ZFP69B: variants seen among roughly 807,000 people sequenced by gnomAD.
The protein encoded by ZFP69B is zinc finger protein 69 homolog B.
In ZFP69B, 20 loss-of-function variants were observed where a neutral mutation model predicts 19.7. The observed-to-expected ratio is 1.02, with a 90% confidence interval of 0.71 to 1.48. The LOEUF (loss-of-function observed/expected upper bound fraction) is 1.48, where lower values mean the gene tolerates loss of function less well. ZFP69B is among the 40% of genes most tolerant of loss of function. ZFP69B has a pLI of 0.00. For synonymous variants in ZFP69B, 220 were observed against 222.7 expected (o/e 0.99, Z 0.11); for missense variants, 583 against 632.6 (o/e 0.92, Z 0.84).
In ZFP69B at chr1:40,450,996, A is replaced by C; in HGVS notation, c.35A>C (p.Glu12Ala). Reference protein sequence around the residue: ...LQQLLITLPTEASTWVKLRHP... With the variant: ...LQQLLITLPTAASTWVKLRHP... ...CAGCTCCTGATCACCCTGCCCACCG[A>C]GGCCAGCACCTGGGTGAAGTTGCGT... Residue 12 changes from glutamate to alanine, a missense_variant, in exon 1 of 5, where the codon GAG becomes GCG. Physicochemically the swap from Glu to Ala is moderately radical, Grantham distance 107. Coordinates refer to ENST00000361584, the MANE Select transcript of ZFP69B (RefSeq NM_023070.3). The C allele has an allele frequency of 3.2e-6, 5 of 1,551,698 alleles. No homozygotes were observed. Among genetic ancestry groups the C allele is most frequent in the Non-Finnish European group, 4.4e-6 (5 of 1,147,182 alleles).
chr1:40,457,584 A>G, intron 4 of ZFP69B, 145 bp downstream of exon 4: 1 of 648,578 alleles, frequency 1.5e-6, no homozygotes, highest in Non-Finnish European at 2.7e-6. Flanking sequence ...CTTTTCCCAC[A>G]CTTCCATCTT....
At position 40,451,554 on chromosome 1, in the gene ZFP69B, C is replaced by G. The variant is rs143492324; in HGVS notation, c.127+466C>G. ...AGGCCAGGTTTAAGGGTCTCTCACT[C>G]GACAGATTTGGGAAAGCTTAAGTAT... On this transcript the variant is annotated intron_variant, in intron 1 of 4. Coordinates refer to ENST00000361584, the MANE Select transcript of ZFP69B (RefSeq NM_023070.3). 4.6e-4 allele frequency among the ~76,000 whole-genome samples: 69 copies of G among 150,628 alleles called. 1 individual carries two copies. The East Asian group carries it at 0.012, about 27-fold the overall frequency.
chr1:40,462,928 C>A lies in ZFP69B; in HGVS notation c.944C>A (p.Ala315Asp). The change falls in exon 5 of 5, where the codon GCC becomes GAC. Residue 315 changes from alanine (A) to aspartate (D), a missense_variant. Physicochemically the swap from Ala to Asp is moderately radical, Grantham distance 126. Transcript: ENST00000361584. ...KPFRCKECGKAFSQSSSLIPH... is the reference protein window; with the variant it reads ...KPFRCKECGKDFSQSSSLIPH... ...TTCAGATGTAAGGAATGTGGAAAAGCCTTTAGCCAAAGTTCATCTCTTATT... is the reference window on the plus strand; with the variant it reads ...TTCAGATGTAAGGAATGTGGAAAAGACTTTAGCCAAAGTTCATCTCTTATT... 2.5e-6 allele frequency: 4 copies of A among 1,614,100 alleles called. No homozygotes were observed. Among genetic ancestry groups the A allele is most frequent in the Non-Finnish European group, 3.4e-6 (4 of 1,180,036 alleles).
At position 40,452,126 on chromosome 1, in the gene ZFP69B, A is replaced by AAAATAAAT. The variant is rs60077439; in HGVS notation, c.127+1055_127+1062dup. ...GGTGACAGAGCAAGACCTTGTCTCAAAAATAAATAAATAAATAAATAAATG... is the reference window on the plus strand; with the variant it reads ...GGTGACAGAGCAAGACCTTGTCTCAAAAATAAATAAATAAATAAATAAATAAATAAATG... On this transcript the variant is annotated intron_variant, in intron 1 of 4. Coordinates refer to ENST00000361584, the MANE Select transcript of ZFP69B (RefSeq NM_023070.3). Among the ~76,000 whole-genome samples, 629 of 150,234 alleles carry AAAATAAAT rather than the reference A, an allele frequency of 4.2e-3. 7 individuals are homozygous for AAAATAAAT. The East Asian group carries it at 0.051, about 12-fold the overall frequency.
intron 1 of ZFP69B, among the ~76,000 whole-genome samples, chr1:40,452,032 C>T (rs1424642492): frequency 1.3e-5 from 2 of 151,938 alleles, no homozygotes; most frequent in Non-Finnish European, 2.9e-5. Flanking sequence ...GGTTGAGGCA[C>T]GAGAATCGCT....
In ZFP69B at chr1:40,462,975, G is replaced by T; in HGVS notation, c.991G>T (p.Gly331Cys). ...TATTCCGCATCAGAGAATTCATACT[G>T]GTGAGAAACCCTATGAATGTAAGGA... The part of the protein sequence containing the change: ...SLIPHQRIHT[G>C]EKPYECKECG... Residue 331 changes from glycine (G) to cysteine (C), a missense_variant, in exon 5 of 5, where the codon GGT becomes TGT. Physicochemically the swap from Gly to Cys is radical, Grantham distance 159. Transcript: ENST00000361584. 6.2e-7 allele frequency: 1 copy of T among 1,614,028 alleles called. No homozygotes were observed. Among genetic ancestry groups the T allele is most frequent in the Non-Finnish European group, 8.5e-7 (1 of 1,180,020 alleles).
At chr1:40,454,489 C>T (rs1645215068) in intron 2 of ZFP69B, among the ~76,000 whole-genome samples, 1 of 152,096 alleles carries the variant, frequency 6.6e-6, no homozygotes, top group African/African-American at 2.4e-5. Flanking sequence ...AGCTCCGTCT[C>T]CTGGGTTCAC....
Position 40,463,714 on chromosome 1 carries a change from C to A in ZFP69B, c.*125C>A. The A allele has an allele frequency of 1.2e-6, 1 of 816,558 alleles. No individual in the cohort carries two copies. Among genetic ancestry groups the A allele is most frequent in the Non-Finnish European group, 1.9e-6 (1 of 535,956 alleles). 50.6% of individuals were successfully genotyped at this position (816,558 alleles called of 1,614,324 possible). The stretch of plus-strand genomic sequence containing the variant: ...CGAACATTAAAAAAAAATGGTTTGG[C>A]ACAATGTTCCCAACTCTTAATTTTG... On this transcript the variant is annotated 3_prime_UTR_variant, in exon 5 of 5. Coordinates refer to ENST00000361584, the MANE Select transcript of ZFP69B (RefSeq NM_023070.3).
chr1:40,458,366 G>A (rs1054173618), intron 4 of ZFP69B, among the ~76,000 whole-genome samples: 4 of 151,956 alleles, frequency 2.6e-5, no homozygotes, highest in African/African-American at 9.7e-5. Flanking sequence ...CTTTTTTAAT[G>A]CAGATACATG....
rs1191705299 is a variant in ZFP69B, at chr1:40,454,289, G to C, written c.213+1G>C. The stretch of plus-strand genomic sequence containing the variant: ...TGGATCCCTGACAGCAGAATCCCAG[G>C]TGGGTTGGAGTTTCTGGTCACTTTC... On this transcript the variant is annotated splice_donor_variant, in intron 2 of 4. Transcript: ENST00000361584. LOFTEE classifies it high-confidence loss of function. 2 of 1,567,554 alleles carry C rather than the reference G, an allele frequency of 1.3e-6. No homozygotes were observed. Among genetic ancestry groups the C allele is most frequent in the Admixed American group, 3.7e-5 (2 of 54,746 alleles).
In ZFP69B at chr1:40,462,881, A is replaced by G; in HGVS notation, c.897A>G (p.Arg299=). The G allele has an allele frequency of 6.2e-7, 1 of 1,614,182 alleles. No homozygotes were observed. Among genetic ancestry groups the G allele is most frequent in the Non-Finnish European group, 8.5e-7 (1 of 1,180,028 alleles). ...KQLIHLTEHM[R]IHTGEKPFRC... is the part of the protein sequence containing the mutation. ...TTATTCACCTTACTGAACACATGAG[A>G]ATTCATACCGGGGAGAAACCTTTCA... is the stretch of plus-strand genomic sequence containing the variant. Residue 299 remains arginine, a synonymous_variant, in exon 5 of 5, where the codon AGA becomes AGG. Coordinates refer to ENST00000361584, the MANE Select transcript of ZFP69B (RefSeq NM_023070.3).
chr1:40,454,409 T>G, intron 2 of ZFP69B, 121 bp downstream of exon 2: 1 of 718,998 alleles, frequency 1.4e-6, no homozygotes, highest in Non-Finnish European at 2.1e-6. Flanking sequence ...TTTTTTTCAT[T>G]ATTTTTTGAG....
chr1:40,457,357 C>T lies in ZFP69B; in HGVS notation c.354C>T (p.Ser118=), dbSNP rs1645243190. ...CCCCATAAGCAGGATGTCAGCTTTC[C>T]AAACCTGGCGTGATTTCCCAGTTGG... The part of the protein sequence containing the change: ...GNLVSVGCQL[S]KPGVISQLEK... Residue 118 remains serine, a synonymous_variant, in exon 4 of 5, where the codon TCC becomes TCT. Transcript: ENST00000361584. 1 of 1,614,008 alleles carries T rather than the reference C, an allele frequency of 6.2e-7. No individual in the cohort carries two copies. The highest frequency in any genetic ancestry group is 1.3e-5 in the African/African-American group (1 of 74,906).
At chr1:40,453,853 C>T (rs1181896165) in intron 1 of ZFP69B, among the ~76,000 whole-genome samples, 1 of 151,532 alleles carries the variant, frequency 6.6e-6, no homozygotes, top group African/African-American at 2.4e-5. Context: ...ACCTGGGTGA[C>T]AGAGCAATAC....
chr1:40,453,463 C>A (rs1333014376), intron 1 of ZFP69B, among the ~76,000 whole-genome samples: 1 of 152,084 alleles, frequency 6.6e-6, no homozygotes, highest in Non-Finnish European at 1.5e-5. Context: ...ATATAAAAAC[C>A]AAGCTTTTGG....
At position 40,451,655 on chromosome 1, in the gene ZFP69B, G is replaced by GGGT. The variant is rs1553125236; in HGVS notation, c.127+569_127+570insTGG. 2.4e-3 allele frequency among the ~76,000 whole-genome samples: 328 copies of GGGT among 135,128 alleles called. 2 individuals carry two copies. The highest frequency in any genetic ancestry group is 9.7e-3 in the African/African-American group (313 of 32,164). The allele number at this position is 135,128 out of a possible 152,430, so 88.6% of individuals were successfully genotyped here. A position where few individuals can be genotyped will look rare whatever the true frequency, so the allele number is the denominator to read the frequency against. ...GACACTTAAAATAGAGAAAGACGTG[G>GGGT]GGGGGGGGGAATTCATTTGCAAACA... On this transcript the variant is annotated intron_variant, in intron 1 of 4. Coordinates refer to ENST00000361584, the MANE Select transcript of ZFP69B (RefSeq NM_023070.3).
At chr1:40,459,703 A>G (rs929228463) in intron 4 of ZFP69B, among the ~76,000 whole-genome samples, 5 of 152,136 alleles carry the variant, frequency 3.3e-5, no homozygotes, top group Admixed American at 6.6e-5. Context: ...TACGACATTT[A>G]TCTTGTTTTT....
chr1:40,462,905 C>T lies in ZFP69B; in HGVS notation c.921C>T (p.Phe307=). Residue 307 remains phenylalanine, a synonymous_variant, in exon 5 of 5, where the codon TTC becomes TTT. Coordinates refer to ENST00000361584, the MANE Select transcript of ZFP69B (RefSeq NM_023070.3). The stretch of plus-strand genomic sequence containing the variant: ...GAATTCATACCGGGGAGAAACCTTT[C>T]AGATGTAAGGAATGTGGAAAAGCCT... ...HMRIHTGEKP[F]RCKECGKAFS... 1.9e-6 allele frequency: 3 copies of T among 1,614,124 alleles called. No homozygotes were observed. Among genetic ancestry groups the T allele is most frequent in the Non-Finnish European group, 2.5e-6 (3 of 1,180,034 alleles).
Position 40,454,297 on chromosome 1 carries a change from G to GA in ZFP69B, c.213+10dup. 2 of 1,557,094 alleles carry GA rather than the reference G, an allele frequency of 1.3e-6. No individual in the cohort carries two copies. The highest frequency in any genetic ancestry group is 1.7e-6 in the Non-Finnish European group (2 of 1,148,736). ...TGACAGCAGAATCCCAGGTGGGTTG[G>GA]AGTTTCTGGTCACTTTCTTGACATT... On this transcript the variant is annotated intron_variant, in intron 2 of 4. Transcript: ENST00000361584.
Sources: gnomAD v4.1 joint callset for allele counts (sites outside exome capture counted in the v4.1 genomes callset) on GRCh38, gnomAD v4.1.1 for gene constraint, MANE v1.5 for transcripts, NCBI Gene and HGNC (gene_info 2026-07-23, HGNC 2026-07-21) for gene names.